The following ASIC2 variants were observed in gnomAD, a reference collection of about 807,000 sequenced individuals.
The protein encoded by ASIC2 is acid sensing ion channel subunit 2.
A neutral mutation model predicts 57.3 loss-of-function variants in ASIC2; 25 were observed. The observed-to-expected ratio is 0.44, with a 90% CI of 0.32 to 0.61. The LOEUF (loss-of-function observed/expected upper bound fraction) is 0.61, where lower values mean the gene tolerates loss of function less well. Among genes scored for constraint, ASIC2 ranks in the 20% least tolerant of loss-of-function variants. The pLI, the probability that ASIC2 is intolerant of heterozygous loss-of-function variation, is 0.06. For missense variants in ASIC2, 641 were observed against 738.1 expected (o/e 0.87, Z 1.52); for synonymous variants, 319 against 307.5 (o/e 1.04, Z -0.39).
chr17:33,445,797 C>CAAAAAAA (rs60125160), intron 1 of ASIC2, among the ~76,000 whole-genome samples: 2 of 120,964 alleles, frequency 1.7e-5, no homozygotes, highest in African/African-American at 3.3e-5. Flanking sequence ...AACTCCATCT[C>CAAAAAAA]AAAAAAAAAA....
Position 33,931,874 on chromosome 17 carries a change from T to C in ASIC2, c.555+224104A>G, listed in dbSNP as rs1347084083. 5.9e-5 allele frequency among the ~76,000 whole-genome samples: 9 copies of C among 152,232 alleles called. 1 individual carries two copies. Among genetic ancestry groups the C allele is most frequent in the Admixed American group, 4.6e-4 (7 of 15,282 alleles). ...GGGAATGAGCGCTGTTCGGCCGTTCTCAACATTTCCTTTAAGAAAGTAATG... is the reference window on the plus strand; with the variant it reads ...GGGAATGAGCGCTGTTCGGCCGTTCCCAACATTTCCTTTAAGAAAGTAATG... On this transcript the variant is annotated intron_variant, in intron 1 of 9. Transcript: ENST00000359872.
At chr17:33,387,971 T>A (rs548545775) in intron 1 of ASIC2, among the ~76,000 whole-genome samples, 19 of 151,906 alleles carry the variant, frequency 1.3e-4, no homozygotes, top group African/African-American at 4.6e-4. Context: ...TCCCAGCTAC[T>A]CAGGAGGGAG....
chr17:33,714,860 G>A (rs544698640), intron 1 of ASIC2, among the ~76,000 whole-genome samples: 1 of 146,292 alleles, frequency 6.8e-6, no homozygotes, highest in East Asian at 2.0e-4. Context: ...TGTAGCTCAG[G>A]TTGGAGAGCA....
At chr17:33,675,036 A>G (rs1907773581) in intron 1 of ASIC2, among the ~76,000 whole-genome samples, 1 of 152,246 alleles carries the variant, frequency 6.6e-6, no homozygotes, top group South Asian at 2.1e-4. Flanking sequence ...ATTTGGACAC[A>G]ATAGTTACAC....
chr17:33,079,919 A>T (rs1459070078), intron 3 of ASIC2, among the ~76,000 whole-genome samples: 1 of 152,140 alleles, frequency 6.6e-6, no homozygotes, highest in Non-Finnish European at 1.5e-5. Context: ...AGAGTTTTGA[A>T]TCTAGGGGAG....
intron 1 of ASIC2, among the ~76,000 whole-genome samples, chr17:33,433,704 G>A (rs1476514290): frequency 2.6e-5 from 4 of 152,092 alleles, no homozygotes; most frequent in African/African-American, 7.2e-5. Flanking sequence ...AGCGTAGATC[G>A]TGCCAGTGCA....
At chr17:34,029,920 A>G (rs1178670948) in intron 1 of ASIC2, among the ~76,000 whole-genome samples, 1 of 152,214 alleles carries the variant, frequency 6.6e-6, no homozygotes, top group Non-Finnish European at 1.5e-5. Context: ...CCCATTTTCA[A>G]GACACAACAG....
At chr17:33,446,153 C>T (rs376442620) in intron 1 of ASIC2, among the ~76,000 whole-genome samples, 13 of 151,896 alleles carry the variant, frequency 8.6e-5, no homozygotes, top group African/African-American at 3.1e-4. Context: ...ACCCCAGCCC[C>T]GTGGAAGTAG....
chr17:33,724,190 T>C (rs1303515276), intron 1 of ASIC2, among the ~76,000 whole-genome samples: 1 of 152,164 alleles, frequency 6.6e-6, no homozygotes, highest in Non-Finnish European at 1.5e-5. Context: ...AAGACATGAC[T>C]TTCATTTTCC....
intron 3 of ASIC2, among the ~76,000 whole-genome samples, chr17:33,032,590 A>G (rs1222379361): frequency 6.6e-6 from 1 of 151,960 alleles, no homozygotes; most frequent in Non-Finnish European, 1.5e-5. Context: ...CTGGGACTAC[A>G]GGGATGCACC....
chr17:33,149,437 T>C (rs1191335386), intron 1 of ASIC2, among the ~76,000 whole-genome samples: 4 of 152,256 alleles, frequency 2.6e-5, no homozygotes, highest in Non-Finnish European at 5.9e-5. Flanking sequence ...CCATAATTTA[T>C]GTACTCATTA....
chr17:33,588,196 A>G (rs1305530145), intron 1 of ASIC2, among the ~76,000 whole-genome samples: 2 of 152,238 alleles, frequency 1.3e-5, no homozygotes, highest in Non-Finnish European at 2.9e-5. Flanking sequence ...TCTCAAAGGT[A>G]TGACATCACA....
At chr17:33,656,032 G>T (rs1907065126) in intron 1 of ASIC2, among the ~76,000 whole-genome samples, 1 of 152,076 alleles carries the variant, frequency 6.6e-6, no homozygotes, top group Non-Finnish European at 1.5e-5. Context: ...GAAGTAGAAA[G>T]GGCCCTTAGG....
At chr17:34,143,671 T>C (rs1414348942) in intron 1 of ASIC2, among the ~76,000 whole-genome samples, 1 of 152,212 alleles carries the variant, frequency 6.6e-6, no homozygotes, top group African/African-American at 2.4e-5. Flanking sequence ...CTGGTTTCAA[T>C]GGGAGTACAG....
chr17:34,102,252 C>T (rs1009812667), intron 1 of ASIC2, among the ~76,000 whole-genome samples: 13 of 152,250 alleles, frequency 8.5e-5, no homozygotes, highest in African/African-American at 2.4e-4. Flanking sequence ...ATCGCCTGAT[C>T]CCAGGAGGCA....
intron 2 of ASIC2, among the ~76,000 whole-genome samples, chr17:33,099,772 A>G (rs1203415301): frequency 2.0e-5 from 3 of 152,230 alleles, no homozygotes; most frequent in Non-Finnish European, 4.4e-5. Flanking sequence ...TGGATGATTA[A>G]GATTCCATTT....
intron 1 of ASIC2, among the ~76,000 whole-genome samples, chr17:33,611,600 T>G (rs1337125838): frequency 6.6e-6 from 1 of 152,216 alleles, no homozygotes; most frequent in Non-Finnish European, 1.5e-5. Context: ...GAGATTCAAA[T>G]TTGCTCCACG....
intron 1 of ASIC2, among the ~76,000 whole-genome samples, chr17:33,589,655 C>T (rs994579773): frequency 6.6e-6 from 1 of 152,220 alleles, no homozygotes; most frequent in African/African-American, 2.4e-5. Context: ...TCACCCAGAA[C>T]AATGTCCTTA....
intron 1 of ASIC2, among the ~76,000 whole-genome samples, chr17:33,202,834 T>G (rs2142079965): frequency 6.6e-6 from 1 of 152,260 alleles, no homozygotes; most frequent in East Asian, 1.9e-4. Context: ...TTGGCCTCTC[T>G]CTACCCTGGG....
Sources: gnomAD v4.1 joint callset for allele counts (sites outside exome capture counted in the v4.1 genomes callset) on GRCh38, gnomAD v4.1.1 for gene constraint, MANE v1.5 for transcripts, NCBI Gene and HGNC (gene_info 2026-07-23, HGNC 2026-07-21) for gene names.